CPA6: variants seen among roughly 807,000 people sequenced by gnomAD.
The protein encoded by CPA6 is carboxypeptidase B.
In CPA6, 58 loss-of-function variants were observed where a neutral mutation model predicts 63.3. The ratio of observed to expected loss-of-function variants is 0.92; its 90% CI spans 0.74 to 1.14. The LOEUF (loss-of-function observed/expected upper bound fraction) is 1.14, where lower values mean the gene tolerates loss of function less well. Among genes scored for constraint, CPA6 ranks in the 50% most tolerant of loss-of-function variants. The probability of loss-of-function intolerance (pLI) is 0.00; values close to 1 mark genes in which losing one functional copy is unlikely to be tolerated. For missense variants in CPA6, 565 were observed against 526.6 expected (o/e 1.07, Z -0.71); for synonymous variants, 185 against 179.0 (o/e 1.03, Z -0.27).
chr8:67,583,717 G>C (rs1350050962), intron 2 of CPA6, among the ~76,000 whole-genome samples: 1 of 152,168 alleles, frequency 6.6e-6, no homozygotes, highest in Non-Finnish European at 1.5e-5. Flanking sequence ...GAAGATGCTA[G>C]CGATTGTTAG....
intron 2 of CPA6, among the ~76,000 whole-genome samples, chr8:67,542,978 T>C (rs912958931): frequency 3.9e-5 from 6 of 152,232 alleles, no homozygotes; most frequent in Non-Finnish European, 4.4e-5. Context: ...ACCATATCTA[T>C]ATTAATTATT....
At chr8:67,612,045 G>T (rs1432895732) in intron 2 of CPA6, among the ~76,000 whole-genome samples, 1 of 152,094 alleles carries the variant, frequency 6.6e-6, no homozygotes, top group Non-Finnish European at 1.5e-5. Context: ...AAAATTTTCT[G>T]TTCAAATTAT....
intron 1 of CPA6, among the ~76,000 whole-genome samples, chr8:67,652,059 C>T (rs1340869931): frequency 6.6e-6 from 1 of 152,124 alleles, no homozygotes; most frequent in Non-Finnish European, 1.5e-5. Flanking sequence ...CATGTCCCTG[C>T]AAAGGACATG....
In CPA6 at chr8:67,626,411, G is replaced by T. The variant is rs1286056809; in HGVS notation, c.117-2160C>A. Among the ~76,000 whole-genome samples the T allele has an allele frequency of 1.4e-3, 212 of 152,146 alleles. 2 individuals are homozygous for T. Among genetic ancestry groups the T allele is most frequent in the Non-Finnish European group, 1.8e-4 (12 of 68,008 alleles). On this transcript the variant is annotated intron_variant, in intron 1 of 10. Transcript: ENST00000297770. ...AGGCCTATGAATAAAAAGGCCCTTG[G>T]CTTGCTGATAATAAATTACTGTTTT...
At chr8:67,676,944 A>C (rs1458282907) in intron 1 of CPA6, among the ~76,000 whole-genome samples, 2 of 152,190 alleles carry the variant, frequency 1.3e-5, no homozygotes, top group African/African-American at 4.8e-5. Flanking sequence ...GCATATGTGT[A>C]TGTACGTATA....
chr8:67,573,604 G>A (rs192491426), intron 2 of CPA6, among the ~76,000 whole-genome samples: 73 of 151,942 alleles, frequency 4.8e-4, no homozygotes, highest in Non-Finnish European at 9.0e-4. Flanking sequence ...AAAATATGAA[G>A]GAAAGAGGCC....
At chr8:67,693,573 G>C (rs1587706981) in intron 1 of CPA6, among the ~76,000 whole-genome samples, 1 of 152,220 alleles carries the variant, frequency 6.6e-6, no homozygotes, top group African/African-American at 2.4e-5. Flanking sequence ...AAGTGATTAG[G>C]TTGTAAAGGC....
chr8:67,736,578 A>G (rs1400125752), intron 1 of CPA6, among the ~76,000 whole-genome samples: 2 of 151,926 alleles, frequency 1.3e-5, no homozygotes, highest in Admixed American at 6.6e-5. Context: ...CTGTTTCTAG[A>G]CCTTTCTGCT....
At chr8:67,534,577 G>T (rs1392260079) in intron 2 of CPA6, among the ~76,000 whole-genome samples, 2 of 152,176 alleles carry the variant, frequency 1.3e-5, no homozygotes, top group African/African-American at 2.4e-5. Flanking sequence ...CACATTGAAG[G>T]TTAATATCTC....
chr8:67,737,891 C>T (rs1817844088), intron 1 of CPA6, among the ~76,000 whole-genome samples: 1 of 152,166 alleles, frequency 6.6e-6, no homozygotes, highest in Admixed American at 6.5e-5. Context: ...AACTCTAGTG[C>T]TAGCTCTGCC....
At chr8:67,591,402 G>C (rs74566318) in intron 2 of CPA6, among the ~76,000 whole-genome samples, 29,347 of 152,096 alleles carry the variant, frequency 0.19, 3,316 homozygotes, top group East Asian at 0.43. Context: ...CTTTAAAGTA[G>C]TTTTTTCTAA....
At chr8:67,558,540 G>A (rs951468323) in intron 2 of CPA6, among the ~76,000 whole-genome samples, 8 of 152,104 alleles carry the variant, frequency 5.3e-5, no homozygotes, top group South Asian at 2.1e-4. Flanking sequence ...ACCCAGAAAC[G>A]TAGAGTACCT....
chr8:67,629,037 C>T (rs774470269), intron 1 of CPA6, among the ~76,000 whole-genome samples: 1 of 152,192 alleles, frequency 6.6e-6, no homozygotes, highest in African/African-American at 2.4e-5. Flanking sequence ...ATCGCTTGAA[C>T]CTGGCAGGCA....
intron 8 of CPA6, among the ~76,000 whole-genome samples, chr8:67,465,747 G>A (rs1368218833): frequency 6.6e-6 from 1 of 152,160 alleles, no homozygotes; most frequent in Non-Finnish European, 1.5e-5. Context: ...TTTATGTGGT[G>A]AATCACATTT....
At chr8:67,501,003 C>T (rs1038875907) in intron 6 of CPA6, among the ~76,000 whole-genome samples, 10 of 151,902 alleles carry the variant, frequency 6.6e-5, no homozygotes, top group African/African-American at 2.4e-4. Flanking sequence ...ATGAATCCTC[C>T]CTCCCTTTTC....
chr8:67,679,067 T>A (rs575593294), intron 1 of CPA6, among the ~76,000 whole-genome samples: 7 of 152,302 alleles, frequency 4.6e-5, no homozygotes, highest in Admixed American at 2.6e-4. Context: ...GGGCAATGAC[T>A]GGGAGGGGAC....
At chr8:67,594,623 A>G (rs1169335909) in intron 2 of CPA6, among the ~76,000 whole-genome samples, 2 of 151,788 alleles carry the variant, frequency 1.3e-5, no homozygotes, top group African/African-American at 4.8e-5. Context: ...TTCTTGCTTC[A>G]TTTATTTCAT....
intron 2 of CPA6, among the ~76,000 whole-genome samples, chr8:67,541,759 T>C (rs1372973569): frequency 6.6e-6 from 1 of 152,208 alleles, no homozygotes; most frequent in African/African-American, 2.4e-5. Context: ...AGGGAGTTCC[T>C]GAATCCCTTG....
Position 67,511,894 on chromosome 8 carries a change from C to T in CPA6, c.318-239G>A, listed in dbSNP as rs551113768. 1.4e-4 allele frequency among the ~76,000 whole-genome samples: 21 copies of T among 152,256 alleles called. No individual in the cohort carries two copies. In the East Asian group the frequency reaches 4.1e-3, roughly 29 times the overall value. On this transcript the variant is annotated intron_variant, in intron 3 of 10. Transcript: ENST00000297770. ...TATCCTCAAGTGATAGTAGTAGTAA[C>T]AATAGCTACTGCTGATTTGCAGCTG... is the stretch of plus-strand genomic sequence containing the variant.
Sources: allele counts gnomAD v4.1 joint callset (sites outside exome capture counted in the v4.1 genomes callset), GRCh38; gene constraint gnomAD v4.1.1; transcripts MANE v1.5; gene names NCBI Gene and HGNC (gene_info 2026-07-23, HGNC 2026-07-21).